Variants in CDADC1 observed in about 807,000 individuals in gnomAD.
The protein encoded by CDADC1 is cytidine and dCMP deaminase domain containing 1, also known as dCTP deaminase.
In CDADC1, 39 loss-of-function variants were observed where a neutral mutation model predicts 54.9. The observed-to-expected ratio is 0.71, with a 90% CI of 0.55 to 0.93. The LOEUF (loss-of-function observed/expected upper bound fraction) is 0.93. Among genes scored for constraint, CDADC1 ranks in the 40% least tolerant of loss-of-function variants. The pLI is 0.00. For missense variants in CDADC1, 518 were observed against 618.8 expected, an observed-to-expected ratio of 0.84 and a Z score of 1.73; for synonymous variants, 186 against 204.0, an observed-to-expected ratio of 0.91 and a Z score of 0.75.
chr13:49,274,414 C>G, intron 6 of CDADC1, 74 bp downstream of exon 6: 1 of 1,199,608 alleles, frequency 8.3e-7, no homozygotes, highest in Non-Finnish European at 1.2e-6. Flanking sequence ...CGGTGCATTA[C>G]AGGTTACTGA....
intron 2 of CDADC1, among the ~76,000 whole-genome samples, chr13:49,249,278 T>C (rs1053222719): frequency 6.6e-6 from 1 of 152,236 alleles, no homozygotes; most frequent in African/African-American, 2.4e-5. Context: ...ATCTAGGTAG[T>C]TTACTCCTCT....
rs892083776 is a variant in CDADC1, at chr13:49,248,870, G to T, written c.83-1G>T. On this transcript the variant is annotated splice_acceptor_variant, in intron 1 of 9. Transcript: ENST00000251108. LOFTEE classifies it high-confidence loss of function. ...TAAAGTGTTTGTCGTCTCTTTTGTAGGTCAGATACCAAGGCTTTCTAAAGT... is the reference window on the plus strand; with the variant it reads ...TAAAGTGTTTGTCGTCTCTTTTGTATGTCAGATACCAAGGCTTTCTAAAGT... The T allele has an allele frequency of 2.5e-6, 4 of 1,582,696 alleles. No individual in the cohort carries two copies. Among genetic ancestry groups the T allele is most frequent in the Non-Finnish European group, 3.5e-6 (4 of 1,151,518 alleles).
At chr13:49,287,511 G>T (rs79715233) in intron 9 of CDADC1, among the ~76,000 whole-genome samples, 8 of 136,792 alleles carry the variant, frequency 5.8e-5, no homozygotes, top group African/African-American at 2.2e-4. Context: ...TCTATCTATC[G>T]GTCTGTCTCT....
intron 2 of CDADC1, among the ~76,000 whole-genome samples, chr13:49,249,627 G>A (rs1004703368): frequency 4.6e-5 from 7 of 152,050 alleles, no homozygotes; most frequent in East Asian, 1.9e-4. Context: ...CCAGTTACGC[G>A]GGAGGCTGAG....
chr13:49,264,227 C>G (rs1318806207), intron 4 of CDADC1, among the ~76,000 whole-genome samples: 3 of 152,084 alleles, frequency 2.0e-5, no homozygotes, highest in Non-Finnish European at 2.9e-5. Flanking sequence ...ATGGAAGTTT[C>G]CTAACTGTGA....
At chr13:49,255,090 C>T (rs990058905) in intron 2 of CDADC1, among the ~76,000 whole-genome samples, 2 of 152,200 alleles carry the variant, frequency 1.3e-5, no homozygotes, top group Admixed American at 6.5e-5. Context: ...GAGCCAAATT[C>T]CCTTCAGACA....
At chr13:49,273,729 C>T (rs1182966516) in intron 5 of CDADC1, among the ~76,000 whole-genome samples, 1 of 56,468 alleles carries the variant, frequency 1.8e-5, no homozygotes, top group East Asian at 4.7e-4. Context: ...TCTTCATGTA[C>T]TTTCTAGCAA....
chr13:49,286,797 A>G (rs749691584), intron 9 of CDADC1, among the ~76,000 whole-genome samples: 8 of 152,354 alleles, frequency 5.3e-5, no homozygotes, highest in Non-Finnish European at 1.2e-4. Context: ...TTATTCGTAT[A>G]CTACTACAGA....
Position 49,291,799 on chromosome 13 carries a change from A to G in CDADC1, c.*42A>G. On this transcript the variant is annotated 3_prime_UTR_variant, in exon 10 of 10. Coordinates refer to ENST00000251108, the MANE Select transcript of CDADC1 (RefSeq NM_030911.4). ...TGCAGGGGAACCTCAAGAACTTTTC[A>G]TTGCACTTCTAAAATTCAGCCTTGT... is the stretch of plus-strand genomic sequence containing the variant. 6.3e-7 allele frequency: 1 copy of G among 1,586,604 alleles called. No homozygotes were observed. The highest frequency in any genetic ancestry group is 1.2e-5 in the South Asian group (1 of 86,322).
intron 8 of CDADC1, among the ~76,000 whole-genome samples, chr13:49,283,206 T>G (rs1249664085): frequency 6.6e-6 from 1 of 152,122 alleles, no homozygotes; most frequent in African/African-American, 2.4e-5. Context: ...TATATGTATA[T>G]AATTTTAAAT....
chr13:49,261,601 T>C (rs1394568444), intron 4 of CDADC1, among the ~76,000 whole-genome samples: 10 of 152,232 alleles, frequency 6.6e-5, no homozygotes, highest in Admixed American at 6.5e-4. Flanking sequence ...ATTAGTAGAC[T>C]ATTGCATTAG....
chr13:49,254,880 C>G (rs560721811), intron 2 of CDADC1, among the ~76,000 whole-genome samples: 1 of 152,332 alleles, frequency 6.6e-6, no homozygotes, highest in East Asian at 1.9e-4. Flanking sequence ...AAATGAAGGA[C>G]TTTGGTCCCT....
Position 49,284,624 on chromosome 13 carries a change from C to T in CDADC1, c.1411-1598C>T, listed in dbSNP as rs1805157843. 2.6e-5 allele frequency among the ~76,000 whole-genome samples: 4 copies of T among 152,310 alleles called. No homozygotes were observed. The South Asian group carries it at 8.3e-4, about 32-fold the overall frequency. On this transcript the variant is annotated intron_variant, in intron 8 of 9. Transcript: ENST00000251108. ...TTTTTGGTAATTTCTCATGTAGCTT[C>T]CTACCCTTTCTAAGTCTTCTCTCTT...
intron 3 of CDADC1, among the ~76,000 whole-genome samples, chr13:49,257,831 TAAACA>T (rs910432755): frequency 9.7e-4 from 148 of 152,248 alleles, no homozygotes; most frequent in African/African-American, 3.4e-3. Flanking sequence ...AATAAATAAA[TAAACA>T]AACTTATTGA....
At chr13:49,278,205 G>A (rs1233926164) in intron 6 of CDADC1, 145 bp from the exon 7 acceptor site, 31 of 543,222 alleles carry the variant, frequency 5.7e-5, no homozygotes, top group Non-Finnish European at 8.0e-5. Context: ...GGAGTATCTG[G>A]TATTATATTT....
rs1953098111 is a variant in CDADC1, at chr13:49,275,716, TATATATATATAG to T, written c.1050+1378_1050+1389del. ...ATATATATATATATATATATATATA[TATATATATATAG>T]AGAGAGAGAGAGAGAGAGAGAGAGA... On this transcript the variant is annotated intron_variant, in intron 6 of 9. Transcript: ENST00000251108. Among the ~76,000 whole-genome samples, 6 of 58,088 alleles carry T rather than the reference TATATATATATAG, an allele frequency of 1.0e-4. 1 individual carries two copies. The highest frequency in any genetic ancestry group is 2.3e-4 in the African/African-American group (3 of 13,202). The allele number at this position is 58,088 out of a possible 152,430, so 38.1% of individuals were successfully genotyped here.
At chr13:49,275,955 G>T (rs535031234) in intron 6 of CDADC1, among the ~76,000 whole-genome samples, 1 of 151,752 alleles carries the variant, frequency 6.6e-6, no homozygotes, top group Admixed American at 6.6e-5. Flanking sequence ...TTTTAGTAGA[G>T]ATGGGGTTTC....
At chr13:49,287,466 G>GTATCTATCTATCTATCTATC (rs55902616) in intron 9 of CDADC1, among the ~76,000 whole-genome samples, 2 of 145,988 alleles carry the variant, frequency 1.4e-5, no homozygotes, top group African/African-American at 2.5e-5. Flanking sequence ...AAAAAAGGCT[G>GTATCTATCTATCTATCTATC]TATCTATCTA....
At chr13:49,275,114 C>G (rs933201464) in intron 6 of CDADC1, among the ~76,000 whole-genome samples, 4 of 147,672 alleles carry the variant, frequency 2.7e-5, no homozygotes, top group African/African-American at 5.0e-5. Context: ...GAGACAGAGT[C>G]CCCCTCTGTC....
Sources: gnomAD v4.1 joint callset for allele counts (sites outside exome capture counted in the v4.1 genomes callset) on GRCh38, gnomAD v4.1.1 for gene constraint, MANE v1.5 for transcripts, NCBI Gene and HGNC (gene_info 2026-07-23, HGNC 2026-07-21) for gene names.